FRMD4B: variants seen among roughly 807,000 people sequenced by gnomAD.
FRMD4B encodes FERM domain containing 4B, also known as FERM domain-containing protein 4B.
FRMD4B carries 74 observed loss-of-function variants against 141.5 expected under a neutral mutation model. That is an observed-to-expected ratio of 0.52 (90% CI 0.43 to 0.63). The LOEUF (loss-of-function observed/expected upper bound fraction) is 0.63, where lower values mean the gene tolerates loss of function less well. FRMD4B is among the 30% of genes least tolerant of loss of function. The pLI, the probability that FRMD4B is intolerant of heterozygous loss-of-function variation, is 0.00. For missense variants in FRMD4B, 1,366 were observed against 1,253.4 expected (o/e 1.09, Z -1.36); for synonymous variants, 506 against 467.9 (o/e 1.08, Z -1.05).
At chr3:69,267,585 G>GTA (rs1223023129) in intron 5 of FRMD4B, among the ~76,000 whole-genome samples, 1 of 51,302 alleles carries the variant, frequency 1.9e-5, no homozygotes, top group South Asian at 7.7e-4. Context: ...ATATGTGTGT[G>GTA]TGTGTGTGTG....
At chr3:69,369,711 T>C (rs2061656533) in intron 1 of FRMD4B, among the ~76,000 whole-genome samples, 1 of 145,806 alleles carries the variant, frequency 6.9e-6, no homozygotes, top group African/African-American at 2.6e-5. Context: ...AATATAAAAA[T>C]CCTAAGGAAG....
chr3:69,211,723 C>G (rs922434978), intron 11 of FRMD4B, among the ~76,000 whole-genome samples: 1 of 152,158 alleles, frequency 6.6e-6, no homozygotes, highest in Non-Finnish European at 1.5e-5. Flanking sequence ...CTCATTATAG[C>G]CTTTGTTTCA....
chr3:69,442,857 G>A (rs1705361367), intron 1 of FRMD4B, among the ~76,000 whole-genome samples: 1 of 152,190 alleles, frequency 6.6e-6, no homozygotes, highest in Non-Finnish European at 1.5e-5. Flanking sequence ...CTTTGGGCCA[G>A]TTTCTTCATA....
intron 1 of FRMD4B, among the ~76,000 whole-genome samples, chr3:69,340,676 A>T (rs1702709775): frequency 6.6e-6 from 1 of 152,210 alleles, no homozygotes; most frequent in Admixed American, 6.5e-5. Context: ...TACTGGTGCT[A>T]CACTATGAGG....
intron 1 of FRMD4B, among the ~76,000 whole-genome samples, chr3:69,473,679 C>T (rs1197012067): frequency 6.6e-6 from 1 of 152,164 alleles, no homozygotes; most frequent in African/African-American, 2.4e-5. Context: ...TCCATGTGGG[C>T]ATTCACAATG....
At chr3:69,365,823 C>T (rs1703626150) in intron 1 of FRMD4B, among the ~76,000 whole-genome samples, 1 of 152,038 alleles carries the variant, frequency 6.6e-6, no homozygotes, top group Non-Finnish European at 1.5e-5. Context: ...AACCAAATTC[C>T]TTCCAAATTC....
intron 7 of FRMD4B, among the ~76,000 whole-genome samples, chr3:69,243,972 G>A (rs1645236974): frequency 6.6e-6 from 1 of 152,124 alleles, no homozygotes; most frequent in South Asian, 2.1e-4. Context: ...CTTGAACCCG[G>A]GAGGCGGAGG....
At chr3:69,413,808 C>T (rs764775812) in intron 2 of FRMD4B, among the ~76,000 whole-genome samples, 18 of 152,092 alleles carry the variant, frequency 1.2e-4, no homozygotes, top group Admixed American at 5.9e-4. Context: ...TCTCCTATGC[C>T]GGGAGCTGCA....
At chr3:69,287,614 G>T (rs745440947) in intron 5 of FRMD4B, 138 bp downstream of exon 5, 1 of 640,572 alleles carries the variant, frequency 1.6e-6, no homozygotes, top group Non-Finnish European at 2.8e-6. Flanking sequence ...TAGTTGGGGG[G>T]TAGGACATAT....
Position 69,495,881 on chromosome 3 carries a change from T to TAGTAATTC in FRMD4B, c.-129+46317_-129+46324dup, listed in dbSNP as rs201287598. Among the ~76,000 whole-genome samples the TAGTAATTC allele has an allele frequency of 8.8e-3, 1,338 of 152,286 alleles. 25 individuals are homozygous for TAGTAATTC. The highest frequency in any genetic ancestry group is 0.03 in the African/African-American group (1,263 of 41,546). ...GGCCATCATTTTATCTAAAATTTAC[T>TAGTAATTC]AGTAATTCACTAAACAGATTTCCCT... On this transcript the variant is annotated intron_variant, in intron 1 of 5. Transcript: ENST00000459638.
At chr3:69,295,160 A>G (rs1700997871) in intron 4 of FRMD4B, among the ~76,000 whole-genome samples, 1 of 152,114 alleles carries the variant, frequency 6.6e-6, no homozygotes, top group African/African-American at 2.4e-5. Context: ...GCTTCATTTC[A>G]TAGGTGATGA....
At position 69,386,020 on chromosome 3, in the gene FRMD4B, C is replaced by G. The variant is rs1704244970; in HGVS notation, c.-31G>C. 6.5e-7 allele frequency: 1 copy of G among 1,537,102 alleles called. No individual in the cohort carries two copies. Among genetic ancestry groups the G allele is most frequent in the Non-Finnish European group, 8.8e-7 (1 of 1,134,890 alleles). On this transcript the variant is annotated 5_prime_UTR_variant, in exon 1 of 23. Coordinates refer to ENST00000398540, the MANE Select transcript of FRMD4B (RefSeq NM_015123.3). Reference sequence around the variant, plus strand: ...CTCCTTCGCTCTGAACCCGGGCGTCCCGGCTCTCGTACGTGCAGCCCCGAC... The same window carrying G: ...CTCCTTCGCTCTGAACCCGGGCGTCGCGGCTCTCGTACGTGCAGCCCCGAC...
intron 5 of FRMD4B, among the ~76,000 whole-genome samples, chr3:69,269,017 C>T (rs566471420): frequency 2.0e-4 from 30 of 151,176 alleles, no homozygotes; most frequent in Non-Finnish European, 4.0e-4. Flanking sequence ...CAATCTCTGC[C>T]TCCCAGGTTC....
At position 69,302,462 on chromosome 3, in the gene FRMD4B, A is replaced by G. The variant is rs752199117; in HGVS notation, c.324-27T>C. 3 of 1,369,436 alleles carry G rather than the reference A, an allele frequency of 2.2e-6. No homozygotes were observed. In the East Asian group the frequency reaches 7.0e-5, roughly 32 times the overall value. The allele number at this position is 1,369,436 out of a possible 1,614,324, so 84.8% of individuals were successfully genotyped here. On this transcript the variant is annotated intron_variant, in intron 3 of 22. Coordinates refer to ENST00000398540, the MANE Select transcript of FRMD4B (RefSeq NM_015123.3). ...TGTGAGAGCAAAGCAAAGAAAAAGG[A>G]TTCAACAGAAAGTCAGAAAAGTTCA...
chr3:69,272,943 T>C (rs1381776415), intron 5 of FRMD4B, among the ~76,000 whole-genome samples: 1 of 152,238 alleles, frequency 6.6e-6, no homozygotes. Flanking sequence ...AATATCTTTC[T>C]AAGTTTTAGG....
chr3:69,514,331 G>C (rs972724231), intron 1 of FRMD4B, among the ~76,000 whole-genome samples: 1 of 151,888 alleles, frequency 6.6e-6, no homozygotes, highest in Non-Finnish European at 1.5e-5. Context: ...AAATATTTAA[G>C]AATAAGCTAA....
intron 1 of FRMD4B, among the ~76,000 whole-genome samples, chr3:69,314,156 A>AC: frequency 7.0e-5 from 9 of 128,698 alleles, no homozygotes; most frequent in Non-Finnish European, 1.1e-4. Context: ...AAAAAAAAAA[A>AC]AAAAAAAAAA....
chr3:69,184,949 C>T lies in FRMD4B; in HGVS notation c.1920-2232G>A, dbSNP rs187149483. On this transcript the variant is annotated intron_variant, in intron 19 of 22. Coordinates refer to ENST00000398540, the MANE Select transcript of FRMD4B (RefSeq NM_015123.3). ...CATTTCAGGCAAAAGTTCCTAAATG[C>T]TAATCCACAAACTGGGGCCGATATG... is the stretch of plus-strand genomic sequence containing the variant. Among the ~76,000 whole-genome samples the T allele has an allele frequency of 2.4e-3, 373 of 152,302 alleles. 1 individual carries two copies. The highest frequency in any genetic ancestry group is 6.8e-3 in the Middle Eastern group (2 of 294).
At chr3:69,533,410 C>T (rs1701031784) in intron 1 of FRMD4B, among the ~76,000 whole-genome samples, 1 of 152,166 alleles carries the variant, frequency 6.6e-6, no homozygotes, top group South Asian at 2.1e-4. Context: ...CCACTCCAAG[C>T]CTCAGTTTCC....
Sources: allele counts gnomAD v4.1 joint callset (sites outside exome capture counted in the v4.1 genomes callset), GRCh38; gene constraint gnomAD v4.1.1; transcripts MANE v1.5; gene names NCBI Gene and HGNC (gene_info 2026-07-23, HGNC 2026-07-21).